The following CARMIL1 variants were observed in gnomAD, a reference collection of about 807,000 sequenced individuals.
CARMIL1 encodes F-actin-uncapping protein LRRC16A.
A neutral mutation model predicts 177.1 loss-of-function variants in CARMIL1; 90 were observed. The ratio of observed to expected loss-of-function variants is 0.51; its 90% CI spans 0.43 to 0.61. The LOEUF is 0.61. Among genes scored for constraint, CARMIL1 ranks in the 20% least tolerant of loss-of-function variants. The pLI, the probability that CARMIL1 is intolerant of heterozygous loss-of-function variation, is 0.00. For synonymous variants in CARMIL1, 577 were observed against 606.2 expected, an observed-to-expected ratio of 0.95 and a Z score of 0.71; for missense variants, 1,380 against 1,667.0, an observed-to-expected ratio of 0.83 and a Z score of 3.00.
intron 22 of CARMIL1, among the ~76,000 whole-genome samples, chr6:25,518,564 C>T (rs1281128839): frequency 6.6e-6 from 1 of 152,194 alleles, no homozygotes; most frequent in Non-Finnish European, 1.5e-5. Context: ...ATTACAGACC[C>T]ACCTATGGTT....
intron 11 of CARMIL1, among the ~76,000 whole-genome samples, chr6:25,476,686 A>G (rs1801602986): frequency 6.6e-6 from 1 of 152,202 alleles, no homozygotes; most frequent in East Asian, 1.9e-4. Context: ...CTTTTCAGTG[A>G]TGGTATTTTG....
intron 23 of CARMIL1, among the ~76,000 whole-genome samples, chr6:25,527,474 T>G (rs1457029996): frequency 6.6e-6 from 1 of 152,142 alleles, no homozygotes; most frequent in Non-Finnish European, 1.5e-5. Context: ...TGAGGCCAAA[T>G]GTATAAGAAT....
chr6:25,482,575 CTT>C (rs1802226233), intron 12 of CARMIL1, among the ~76,000 whole-genome samples: 1 of 152,184 alleles, frequency 6.6e-6, no homozygotes, highest in Non-Finnish European at 1.5e-5. Context: ...TACATGCAGT[CTT>C]TAACTTTTAA....
intron 29 of CARMIL1, among the ~76,000 whole-genome samples, chr6:25,559,832 C>G (rs1810950727): frequency 3.3e-5 from 5 of 152,148 alleles, no homozygotes; most frequent in African/African-American, 1.2e-4. Context: ...CCCTTTTGTC[C>G]CCTGCCCCTG....
chr6:25,544,704 T>A (rs916776540), intron 26 of CARMIL1, among the ~76,000 whole-genome samples: 1 of 151,852 alleles, frequency 6.6e-6, no homozygotes, highest in African/African-American at 2.4e-5. Context: ...AAATGTAGTC[T>A]GAGCTACAAG....
rs527973837 is a variant in CARMIL1, at chr6:25,291,061, G to A, written c.138+6152G>A. ...TTCTGGACTCAAGCGATTCTCCCAC[G>A]TCGGCCTCCCAAAGTGCTGGGATTA... On this transcript the variant is annotated intron_variant, in intron 2 of 36. Transcript: ENST00000329474. 1.3e-4 allele frequency among the ~76,000 whole-genome samples: 20 copies of A among 151,876 alleles called. No individual in the cohort carries two copies. The East Asian group carries it at 2.5e-3, about 19-fold the overall frequency.
At chr6:25,518,280 T>G (rs1317516347) in intron 22 of CARMIL1, among the ~76,000 whole-genome samples, 1 of 152,208 alleles carries the variant, frequency 6.6e-6, no homozygotes, top group Non-Finnish European at 1.5e-5. Flanking sequence ...CATTCAGTCT[T>G]CAGTTCTGTC....
chr6:25,512,544 A>G (rs546757976), intron 20 of CARMIL1, among the ~76,000 whole-genome samples: 1 of 152,320 alleles, frequency 6.6e-6, no homozygotes, highest in South Asian at 2.1e-4. Flanking sequence ...ACCTGGTACA[A>G]TTGGGATCAT....
At chr6:25,496,294 A>G (rs912816624) in intron 16 of CARMIL1, among the ~76,000 whole-genome samples, 1 of 152,218 alleles carries the variant, frequency 6.6e-6, no homozygotes, top group Non-Finnish European at 1.5e-5. Flanking sequence ...CTTGGCCAAC[A>G]TGGTGAAACC....
chr6:25,451,986 G>GCCCT, intron 8 of CARMIL1: 1 of 112,672 alleles, frequency 8.9e-6, no homozygotes. Flanking sequence ...CTAGCATCTT[G>GCCCT]CCCCCCCCTC....
intron 24 of CARMIL1, among the ~76,000 whole-genome samples, chr6:25,532,040 G>T (rs1296279844): frequency 2.0e-5 from 3 of 151,430 alleles, no homozygotes. Context: ...CAAAGTGCTG[G>T]GATTATAGGT....
intron 2 of CARMIL1, among the ~76,000 whole-genome samples, chr6:25,405,340 T>C (rs1341087299): frequency 6.6e-6 from 1 of 152,236 alleles, no homozygotes; most frequent in African/African-American, 2.4e-5. Flanking sequence ...TAAAATAATA[T>C]ATGGTGATTT....
intron 2 of CARMIL1, among the ~76,000 whole-genome samples, chr6:25,363,854 A>G (rs1331260924): frequency 3.3e-5 from 5 of 152,210 alleles, no homozygotes; most frequent in African/African-American, 4.8e-5. Flanking sequence ...GTATTACAGT[A>G]TCACAATCAG....
chr6:25,546,492 G>A (rs1421772213), intron 26 of CARMIL1, among the ~76,000 whole-genome samples: 1 of 151,848 alleles, frequency 6.6e-6, no homozygotes, highest in Non-Finnish European at 1.5e-5. Flanking sequence ...TTGAGCCAAG[G>A]AGTTTGAGAC....
intron 4 of CARMIL1, among the ~76,000 whole-genome samples, chr6:25,433,979 T>C (rs567355011): frequency 2.6e-5 from 4 of 152,354 alleles, no homozygotes; most frequent in African/African-American, 9.6e-5. Context: ...TTCTCCATCA[T>C]ATTTTTGTAT....
At chr6:25,402,282 G>A (rs1793954635) in intron 2 of CARMIL1, among the ~76,000 whole-genome samples, 1 of 152,134 alleles carries the variant, frequency 6.6e-6, no homozygotes, top group South Asian at 2.1e-4. Flanking sequence ...GTGACATTTA[G>A]AATGTTAGCG....
chr6:25,521,797 G>A (rs1039590873), intron 23 of CARMIL1, among the ~76,000 whole-genome samples: 2 of 151,692 alleles, frequency 1.3e-5, no homozygotes, highest in East Asian at 3.9e-4. Flanking sequence ...AGAATGTAAG[G>A]CTGGCCCTCT....
intron 8 of CARMIL1, chr6:25,452,466 T>C (rs1799069784): frequency 2.4e-6 from 1 of 418,210 alleles, no homozygotes; most frequent in Admixed American, 4.0e-5. Context: ...CCCTTTACAA[T>C]CTTAAAAATG....
chr6:25,517,484 G>A, intron 22 of CARMIL1, 69 bp downstream of exon 22: 1 of 1,213,554 alleles, frequency 8.2e-7, no homozygotes, highest in East Asian at 2.3e-5. Context: ...TATGTTACCT[G>A]TTGGGTAATA....
Sources: gnomAD v4.1 joint callset for allele counts (sites outside exome capture counted in the v4.1 genomes callset) on GRCh38, gnomAD v4.1.1 for gene constraint, MANE v1.5 for transcripts, NCBI Gene and HGNC (gene_info 2026-07-23, HGNC 2026-07-21) for gene names.